CD74: variants seen among roughly 807,000 people sequenced by gnomAD.
CD74 encodes the protein HLA class II histocompatibility antigen gamma chain.
CD74 carries 20 observed loss-of-function variants against 37.1 expected under a neutral mutation model. That is an observed-to-expected ratio of 0.54 (90% confidence interval 0.38 to 0.78). The LOEUF (loss-of-function observed/expected upper bound fraction) is 0.78, where lower values mean the gene tolerates loss of function less well. Ranked by LOEUF, CD74 falls within the 30% of genes least tolerant of loss-of-function variation. CD74 has a pLI of 0.00. For missense variants in CD74, 338 were observed against 389.5 expected (o/e 0.87, Z 1.11); for synonymous variants, 150 against 152.0 (o/e 0.99, Z 0.10).
chr5:150,412,750 C>G lies in CD74; in HGVS notation c.-1G>C, dbSNP rs1355517365. ...AGCTCCTGCTTCTCCTCCTGTGCATCTGGGACCCTGACCCCCCGGCTCGCC... is the reference window on the plus strand; with the variant it reads ...AGCTCCTGCTTCTCCTCCTGTGCATGTGGGACCCTGACCCCCCGGCTCGCC... On this transcript the variant is annotated 5_prime_UTR_variant, in exon 1 of 9. Transcript: ENST00000009530. 6 of 1,613,980 alleles carry G rather than the reference C, an allele frequency of 3.7e-6. No homozygotes were observed. Among genetic ancestry groups the G allele is most frequent in the Admixed American group, 1.7e-5 (1 of 60,028 alleles).
chr5:150,407,219 C>G lies in CD74; in HGVS notation c.231G>C (p.Arg77=), dbSNP rs752548987. Residue 77 remains arginine (R), a synonymous_variant, in exon 2 of 9, where the codon CGG becomes CGC. Coordinates refer to ENST00000009530, the MANE Select transcript of CD74 (RefSeq NM_001025159.3). This position sits in a 1 kb window ranked among gnomAD's most constrained non-coding sequence, Gnocchi z 4.4. ...TAYFLYQQQG[R]LDKLTVTSQN... ...GGGAGGTGACTGTCAGTTTGTCCAG[C>G]CGGCCCTGCTGCTGGTACAGGAAGT... 3.7e-6 allele frequency: 6 copies of G among 1,613,986 alleles called. No homozygotes were observed. In the East Asian group the frequency reaches 1.1e-4, roughly 30 times the overall value.
chr5:150,404,787 A>T lies in CD74; in HGVS notation c.538-20T>A. 6.6e-7 allele frequency: 1 copy of T among 1,516,944 alleles called. No homozygotes were observed. The highest frequency in any genetic ancestry group is 9.0e-7 in the Non-Finnish European group (1 of 1,112,176). The allele number at this position is 1,516,944 out of a possible 1,614,324, so 94.0% of individuals were successfully genotyped here. On this transcript the variant is annotated intron_variant, in intron 5 of 8. Transcript: ENST00000009530. ...AAAGACCTAATACGGATAGAGGTGG[A>T]GGTCAGGTTCGATGGCCACCACCAA...
chr5:150,407,075 C>T lies in CD74; in HGVS notation c.298+77G>A. On this transcript the variant is annotated intron_variant, in intron 2 of 8. Coordinates refer to ENST00000009530, the MANE Select transcript of CD74 (RefSeq NM_001025159.3). The surrounding 1 kb of genome is among the most constrained non-coding windows in gnomAD (Gnocchi z 4.4). ...CGGAGGGAGAGGACAGTGGGCCCAG[C>T]TGGGTGCAGGGATGCGGGTCTCTGA... 2.6e-6 allele frequency: 4 copies of T among 1,566,710 alleles called. No individual in the cohort carries two copies. The South Asian group carries it at 4.5e-5, about 18-fold the overall frequency.
In CD74 at chr5:150,402,354, C is replaced by T. The variant is rs2151166368; in HGVS notation, c.881-104G>A. 5.4e-6 allele frequency: 5 copies of T among 921,142 alleles called. No homozygotes were observed. The highest frequency in any genetic ancestry group is 1.4e-5 in the South Asian group (1 of 69,178). 57.1% of individuals were successfully genotyped at this position (921,142 alleles called of 1,614,324 possible). ...GAGCAGTTAAGGACTGTCCACCCTC[C>T]CCTGCCCCCTGCTCAGGTCCAATAA... On this transcript the variant is annotated intron_variant, in intron 8 of 8. Transcript: ENST00000009530. This position sits in a 1 kb window ranked among gnomAD's most constrained non-coding sequence, Gnocchi z 4.2.
chr5:150,405,966 T>A (rs896919598), intron 4 of CD74: 1 of 266,586 alleles, frequency 3.8e-6, no homozygotes, highest in Non-Finnish European at 7.7e-6. Context: ...GTAGAGACTT[T>A]CACTATGTTG....
In CD74 at chr5:150,407,911, C is replaced by A. The variant is rs1027621185; in HGVS notation, c.126-587G>T. 6.6e-6 allele frequency among the ~76,000 whole-genome samples: 1 copy of A among 152,074 alleles called. No homozygotes were observed. The highest frequency in any genetic ancestry group is 1.5e-5 in the Non-Finnish European group (1 of 67,990). Reference sequence around the variant, plus strand: ...CTGGGACTACAGGCACCCGCCACCACGCCTGGCTAATTATTTTGTATTTTT... The same window carrying A: ...CTGGGACTACAGGCACCCGCCACCAAGCCTGGCTAATTATTTTGTATTTTT... On this transcript the variant is annotated intron_variant, in intron 1 of 8. Transcript: ENST00000009530. This position sits in a 1 kb window ranked among gnomAD's most constrained non-coding sequence, Gnocchi z 4.4.
intron 4 of CD74, chr5:150,405,521 G>T: frequency 2.5e-6 from 2 of 798,898 alleles, no homozygotes; most frequent in Non-Finnish European, 3.1e-6. Context: ...CCCCAGCTAG[G>T]TTGAGTCCTC....
chr5:150,409,847 G>A (rs778644781), intron 1 of CD74, among the ~76,000 whole-genome samples: 6 of 151,752 alleles, frequency 4.0e-5, no homozygotes, highest in Non-Finnish European at 8.8e-5. Flanking sequence ...GACTAAAACA[G>A]ACCCATTGGG....
In CD74 at chr5:150,403,866, A is replaced by C. The variant is rs949461816; in HGVS notation, c.626-554T>G. 3.3e-5 allele frequency among the ~76,000 whole-genome samples: 5 copies of C among 152,246 alleles called. No individual in the cohort carries two copies. The highest frequency in any genetic ancestry group is 3.3e-4 in the Admixed American group (5 of 15,286). Reference sequence around the variant, plus strand: ...AGAGCCAGACTCTATCTCAAAAACAAACAATCAAACAAAAAAACACCATTA... The same window carrying C: ...AGAGCCAGACTCTATCTCAAAAACACACAATCAAACAAAAAAACACCATTA... On this transcript the variant is annotated intron_variant, in intron 6 of 8. Coordinates refer to ENST00000009530, the MANE Select transcript of CD74 (RefSeq NM_001025159.3). The surrounding 1 kb of genome is among the most constrained non-coding windows in gnomAD (Gnocchi z 4.5).
chr5:150,404,679 C>T lies in CD74; in HGVS notation c.625+1G>A, dbSNP rs113535422. 6.4e-7 allele frequency: 1 copy of T among 1,567,160 alleles called. No individual in the cohort carries two copies. The highest frequency in any genetic ancestry group is 8.7e-7 in the Non-Finnish European group (1 of 1,153,744). On this transcript the variant is annotated splice_donor_variant, in intron 6 of 8. Coordinates refer to ENST00000009530, the MANE Select transcript of CD74 (RefSeq NM_001025159.3). LOFTEE classifies it high-confidence loss of function. ...CACGCTAAAGCTCCCACTCCCTGTA[C>T]CTTTCGGTGGAGCGTCAGTGGGCTT...
In CD74 at chr5:150,406,936, C is replaced by G; in HGVS notation, c.323G>C (p.Arg108Pro). 6.4e-7 allele frequency: 1 copy of G among 1,556,066 alleles called. No homozygotes were observed. Among genetic ancestry groups the G allele is most frequent in the Non-Finnish European group, 8.6e-7 (1 of 1,157,686 alleles). Residue 108 changes from arginine (R) to proline (P), a missense_variant, in exon 3 of 9, where the codon CGC becomes CCC. Physicochemically the swap from Arg to Pro is moderately radical, Grantham distance 103 (BLOSUM62 -2). Coordinates refer to ENST00000009530, the MANE Select transcript of CD74 (RefSeq NM_001025159.3). Reference sequence around the variant, plus strand: ...CTGCATCAGCAGCGGGGTGGCCATGCGCATCTTGCTCACAGGCTTGGGAGC... The same window carrying G: ...CTGCATCAGCAGCGGGGTGGCCATGGGCATCTTGCTCACAGGCTTGGGAGC... ...PKPPKPVSKM[R>P]MATPLLMQAL...
In CD74 at chr5:150,402,544, C is replaced by T. The variant is rs1175296944; in HGVS notation, c.880+19G>A. Reference sequence around the variant, plus strand: ...GGATGAGCTGCTGGTGACCAGATGCCCCTCTGCAAGGCCCTTACCTGGGCC... The same window carrying T: ...GGATGAGCTGCTGGTGACCAGATGCTCCTCTGCAAGGCCCTTACCTGGGCC... On this transcript the variant is annotated intron_variant, in intron 8 of 8. Transcript: ENST00000009530. This position sits in a 1 kb window ranked among gnomAD's most constrained non-coding sequence, Gnocchi z 4.2. The T allele has an allele frequency of 1.2e-6, 2 of 1,610,304 alleles. No individual in the cohort carries two copies. The highest frequency in any genetic ancestry group is 1.7e-6 in the Non-Finnish European group (2 of 1,176,502).
chr5:150,402,746 G>C lies in CD74; in HGVS notation c.818-121C>G, dbSNP rs1364204550. On this transcript the variant is annotated intron_variant, in intron 7 of 8. Transcript: ENST00000009530. The surrounding 1 kb of genome is among the most constrained non-coding windows in gnomAD (Gnocchi z 4.2). ...GTGCCTGGGAAAGCAGGTACCCAGG[G>C]AAGGACAGCTGCAAGCAGCAACAAA... 1.2e-6 allele frequency: 1 copy of C among 814,660 alleles called. No homozygotes were observed. Among genetic ancestry groups the C allele is most frequent in the Admixed American group, 2.4e-5 (1 of 41,622 alleles). 50.5% of individuals were successfully genotyped at this position (814,660 alleles called of 1,614,324 possible). A position where few individuals can be genotyped will look rare whatever the true frequency, so the allele number is the denominator to read the frequency against.
intron 4 of CD74, chr5:150,405,396 C>T (rs1045898161): frequency 3.2e-6 from 4 of 1,261,770 alleles, no homozygotes; most frequent in Non-Finnish European, 4.0e-6. Flanking sequence ...CGTTGCGAGT[C>T]GAGTTCCAGA....
chr5:150,401,941 G>T lies in CD74; in HGVS notation c.*299C>A. The T allele has an allele frequency of 3.1e-6, 3 of 979,586 alleles. No homozygotes were observed. Among genetic ancestry groups the T allele is most frequent in the Non-Finnish European group, 4.7e-6 (3 of 638,266 alleles). 60.7% of individuals were successfully genotyped at this position (979,586 alleles called of 1,614,324 possible). On this transcript the variant is annotated 3_prime_UTR_variant, in exon 9 of 9. Coordinates refer to ENST00000009530, the MANE Select transcript of CD74 (RefSeq NM_001025159.3). ...ATCTCGTCCATGAGCCTAGGTCTTGGAGCCTTGTGTTGGAGGCTGCTGTGA... is the reference window on the plus strand; with the variant it reads ...ATCTCGTCCATGAGCCTAGGTCTTGTAGCCTTGTGTTGGAGGCTGCTGTGA...
intron 1 of CD74, among the ~76,000 whole-genome samples, chr5:150,410,121 A>T (rs1483028583): frequency 6.6e-6 from 1 of 151,872 alleles, no homozygotes; most frequent in Non-Finnish European, 1.5e-5. Context: ...AACAAATTCT[A>T]CTTCTTGGCC....
chr5:150,406,765 C>T (rs1272350621), intron 3 of CD74, 116 bp downstream of exon 3: 9 of 671,778 alleles, frequency 1.3e-5, no homozygotes, highest in East Asian at 8.4e-5. Context: ...CTGTCCCTCC[C>T]GCAGCAGTCA....
rs1285101974 is a variant in CD74 at position 150,402,106 on chromosome 5, G to A, written c.*134C>T. 4.5e-6 allele frequency: 7 copies of A among 1,545,944 alleles called. No individual in the cohort carries two copies. Among genetic ancestry groups the A allele is most frequent in the African/African-American group, 4.1e-5 (3 of 73,076 alleles). On this transcript the variant is annotated 3_prime_UTR_variant, in exon 9 of 9. Transcript: ENST00000009530. This position sits in a 1 kb window ranked among gnomAD's most constrained non-coding sequence, Gnocchi z 4.2. Reference sequence around the variant, plus strand: ...TTGGTTTGTCTTGTCCAAGGGTGACGAAAGAGCCAGGCACCAGGGTCTCAT... The same window carrying A: ...TTGGTTTGTCTTGTCCAAGGGTGACAAAAGAGCCAGGCACCAGGGTCTCAT...
rs2151166338 is a variant in CD74, at chr5:150,402,346, C to T, written c.881-96G>A. The T allele has an allele frequency of 1.0e-6, 1 of 979,934 alleles. No homozygotes were observed. Among genetic ancestry groups the T allele is most frequent in the African/African-American group, 1.6e-5 (1 of 62,916 alleles). 60.7% of individuals were successfully genotyped at this position (979,934 alleles called of 1,614,324 possible). A position where few individuals can be genotyped will look rare whatever the true frequency, so the allele number is the denominator to read the frequency against. ...GACCTGCAGAGCAGTTAAGGACTGT[C>T]CACCCTCCCCTGCCCCCTGCTCAGG... is the stretch of plus-strand genomic sequence containing the variant. On this transcript the variant is annotated intron_variant, in intron 8 of 8. Coordinates refer to ENST00000009530, the MANE Select transcript of CD74 (RefSeq NM_001025159.3). This position sits in a 1 kb window ranked among gnomAD's most constrained non-coding sequence, Gnocchi z 4.2.
Sources: allele counts gnomAD v4.1 joint callset (sites outside exome capture counted in the v4.1 genomes callset), GRCh38; gene constraint gnomAD v4.1.1; non-coding constraint Gnocchi (gnomAD v3.1); transcripts MANE v1.5; gene names NCBI Gene and HGNC (gene_info 2026-07-23, HGNC 2026-07-21).